The following TRHDE variants were observed in gnomAD, a reference collection of about 807,000 sequenced individuals.
The protein encoded by TRHDE is thyrotropin releasing hormone degrading enzyme, also known as thyrotropin-releasing hormone-degrading ectoenzyme.
TRHDE carries 72 observed loss-of-function variants against 125.7 expected under a neutral mutation model. The observed-to-expected ratio is 0.57, with a 90% confidence interval of 0.47 to 0.70. TRHDE has a LOEUF of 0.70. Among genes scored for constraint, TRHDE ranks in the 30% least tolerant of loss-of-function variants. TRHDE has a pLI of 0.00. For missense variants in TRHDE, 1,110 were observed against 1,327.1 expected, an observed-to-expected ratio of 0.84 and a Z score of 2.54; for synonymous variants, 509 against 509.1, an observed-to-expected ratio of 1.00 and a Z score of 0.00.
At chr12:72,576,341 T>C (rs1201276658) in intron 12 of TRHDE, among the ~76,000 whole-genome samples, 1 of 152,152 alleles carries the variant, frequency 6.6e-6, no homozygotes, top group African/African-American at 2.4e-5. Context: ...ACTGGTTAGT[T>C]AGTAGTGCTG....
At chr12:72,231,664 A>G (rs1878249628) in intron 2 of TRHDE, among the ~76,000 whole-genome samples, 1 of 152,138 alleles carries the variant, frequency 6.6e-6, no homozygotes, top group South Asian at 2.1e-4. Flanking sequence ...GGGTCACAAG[A>G]TCTTCTGGAA....
chr12:72,327,194 G>A (rs1271976783), intron 2 of TRHDE, among the ~76,000 whole-genome samples: 1 of 152,114 alleles, frequency 6.6e-6, no homozygotes, highest in Admixed American at 6.5e-5. Context: ...GGGCATGGAG[G>A]TTGGAGACAC....
intron 3 of TRHDE, among the ~76,000 whole-genome samples, chr12:72,443,006 C>T (rs1057074931): frequency 2.6e-5 from 4 of 151,822 alleles, no homozygotes; most frequent in African/African-American, 9.7e-5. Context: ...TATTCTCTTG[C>T]ACTCTTCATT....
At chr12:72,641,300 A>C (rs1874050213) in intron 15 of TRHDE, among the ~76,000 whole-genome samples, 1 of 152,178 alleles carries the variant, frequency 6.6e-6, no homozygotes, top group South Asian at 2.1e-4. Context: ...GTTTTCTTCT[A>C]ACAGTAACAG....
At chr12:72,332,025 C>T (rs982736671) in intron 2 of TRHDE, among the ~76,000 whole-genome samples, 6 of 152,130 alleles carry the variant, frequency 3.9e-5, no homozygotes, top group Admixed American at 3.9e-4. Context: ...GGTATTGGCA[C>T]CTGCTTCTGA....
chr12:72,620,509 G>A (rs556003113), intron 13 of TRHDE, among the ~76,000 whole-genome samples: 1 of 151,928 alleles, frequency 6.6e-6, no homozygotes, highest in African/African-American at 2.4e-5. Flanking sequence ...GAGCAACAGA[G>A]TGGAGACCCT....
intron 4 of TRHDE, among the ~76,000 whole-genome samples, chr12:72,472,049 G>T (rs989566315): frequency 3.3e-5 from 5 of 152,202 alleles, no homozygotes; most frequent in Non-Finnish European, 5.9e-5. Context: ...TATCATGGAA[G>T]TCTGAGCTCA....
At chr12:72,377,481 C>T (rs962078168) in intron 2 of TRHDE, among the ~76,000 whole-genome samples, 5 of 151,992 alleles carry the variant, frequency 3.3e-5, no homozygotes, top group African/African-American at 1.2e-4. Context: ...TTTTCTATCC[C>T]TACTTTGCAT....
intron 12 of TRHDE, among the ~76,000 whole-genome samples, chr12:72,595,349 A>G (rs1871891734): frequency 6.6e-6 from 1 of 150,826 alleles, no homozygotes; most frequent in African/African-American, 2.4e-5. Context: ...ATTACGAATT[A>G]TCTACTAAGA....
At chr12:72,433,655 C>G (rs1874599137) in intron 3 of TRHDE, among the ~76,000 whole-genome samples, 1 of 152,100 alleles carries the variant, frequency 6.6e-6, no homozygotes. Flanking sequence ...AACCCCTCCT[C>G]TCACACATAC....
At chr12:72,609,195 G>A (rs1302236354) in intron 12 of TRHDE, among the ~76,000 whole-genome samples, 4 of 152,126 alleles carry the variant, frequency 2.6e-5, no homozygotes, top group Non-Finnish European at 5.9e-5. Flanking sequence ...CACATGTTTA[G>A]CTTAATAATT....
At chr12:72,099,421 A>G (rs1375186219) in intron 1 of TRHDE, among the ~76,000 whole-genome samples, 1 of 152,186 alleles carries the variant, frequency 6.6e-6, no homozygotes, top group African/African-American at 2.4e-5. Context: ...GAGAATCTTT[A>G]GGTATAAAGA....
chr12:72,335,586 T>C (rs947393517), intron 2 of TRHDE, among the ~76,000 whole-genome samples: 1 of 152,216 alleles, frequency 6.6e-6, no homozygotes, highest in African/African-American at 2.4e-5. Context: ...GTGCTCTCCA[T>C]GAGCACTGTA....
rs572273077 is a variant in TRHDE, at chr12:72,273,968, A to G, written c.914+411A>G. ...GCGCTGAAGGCCAAGACAACAGCGC[A>G]TCCAGGTTAGCATGTCAGGGCAGGT... is the stretch of plus-strand genomic sequence containing the variant. On this transcript the variant is annotated intron_variant, in intron 1 of 18. Coordinates refer to ENST00000261180, the MANE Select transcript of TRHDE (RefSeq NM_013381.3). This position sits in a 1 kb window ranked among gnomAD's most constrained non-coding sequence, Gnocchi z 5.3. The G allele has an allele frequency of 5.3e-6, 1 of 189,618 alleles. No homozygotes were observed. Among genetic ancestry groups the G allele is most frequent in the Admixed American group, 5.3e-5 (1 of 18,858 alleles). The allele number at this position is 189,618 out of a possible 1,614,324, so 11.7% of individuals were successfully genotyped here.
At chr12:72,271,983 C>A, upstream of TRHDE, 1 of 456,712 alleles carries the variant, frequency 2.2e-6, no homozygotes. Flanking sequence ...TTTTCCAGGA[C>A]GGATCTCCGT....
intron 1 of TRHDE, among the ~76,000 whole-genome samples, chr12:72,283,621 C>T (rs1055815511): frequency 3.9e-5 from 6 of 152,072 alleles, no homozygotes; most frequent in Non-Finnish European, 8.8e-5. Flanking sequence ...TTGCTACCTT[C>T]CCTAACATAC....
intron 2 of TRHDE, among the ~76,000 whole-genome samples, chr12:72,334,992 T>C (rs1012098392): frequency 2.0e-5 from 3 of 152,126 alleles, no homozygotes; most frequent in African/African-American, 7.2e-5. Flanking sequence ...ATGATCCCTT[T>C]AAAGGAAGCA....
chr12:72,343,340 G>A (rs749125527), intron 2 of TRHDE, among the ~76,000 whole-genome samples: 8 of 151,542 alleles, frequency 5.3e-5, no homozygotes, highest in Non-Finnish European at 7.4e-5. Flanking sequence ...CAAAACAGTC[G>A]GCCGTTTATA....
intron 2 of TRHDE, among the ~76,000 whole-genome samples, chr12:72,136,778 G>T (rs1324329168): frequency 6.6e-6 from 1 of 152,206 alleles, no homozygotes; most frequent in Non-Finnish European, 1.5e-5. Flanking sequence ...AAAGTTCCCA[G>T]CACCTGTTTT....
Sources: gnomAD v4.1 joint callset for allele counts (sites outside exome capture counted in the v4.1 genomes callset) on GRCh38, gnomAD v4.1.1 for gene constraint, Gnocchi (gnomAD v3.1) non-coding constraint, MANE v1.5 for transcripts, NCBI Gene and HGNC (gene_info 2026-07-23, HGNC 2026-07-21) for gene names.